The following PPP1R9A variants were observed in gnomAD, a reference collection of about 807,000 sequenced individuals.
PPP1R9A encodes protein phosphatase 1 regulatory subunit 9A.
In PPP1R9A, 59 loss-of-function variants were observed where a neutral mutation model predicts 141.9. That is an observed-to-expected ratio of 0.42 (90% confidence interval 0.34 to 0.52). The LOEUF is 0.52. Ranked by LOEUF, PPP1R9A falls within the 20% of genes least tolerant of loss-of-function variation. PPP1R9A has a pLI of 0.10. For synonymous variants in PPP1R9A, 500 were observed against 569.7 expected, an observed-to-expected ratio of 0.88 and a Z score of 1.74; for missense variants, 1,444 against 1,611.9, an observed-to-expected ratio of 0.90 and a Z score of 1.78.
At chr7:95,232,345 T>C (rs1014870306) in intron 8 of PPP1R9A, among the ~76,000 whole-genome samples, 1 of 152,094 alleles carries the variant, frequency 6.6e-6, no homozygotes, top group African/African-American at 2.4e-5. Context: ...CTGGACCCCT[T>C]CCTTACACCT....
chr7:95,265,288 A>G (rs1342526742), intron 12 of PPP1R9A, among the ~76,000 whole-genome samples: 2 of 152,208 alleles, frequency 1.3e-5, no homozygotes, highest in African/African-American at 4.8e-5. Context: ...TTGACCTTCC[A>G]GAAGGAGAAT....
Position 95,286,363 on chromosome 7 carries a change from A to T in PPP1R9A, c.3729+38A>T, listed in dbSNP as rs765468502. ...CACTATGACAGAGCTGCTTTGTCAA[A>T]TCTGACGTTTTACCCATGAACCATC... On this transcript the variant is annotated intron_variant, in intron 18 of 19. Coordinates refer to ENST00000433360, the MANE Select transcript of PPP1R9A (RefSeq NM_001166160.2). The T allele has an allele frequency of 1.6e-5, 26 of 1,606,762 alleles. No individual in the cohort carries two copies. In the Admixed American group the frequency reaches 4.4e-4, roughly 27 times the overall value.
At position 95,200,251 on chromosome 7, in the gene PPP1R9A, T is replaced by C. The variant is rs915382598; in HGVS notation, c.1890+1767T>C. Among the ~76,000 whole-genome samples the C allele has an allele frequency of 2.6e-5, 4 of 151,602 alleles. No homozygotes were observed. In the South Asian group the frequency reaches 6.2e-4, roughly 24 times the overall value. ...CGCTGATCACATTCATCCCCAAAAG[T>C]TGATATAAAATTTTGCTCTTTTTTT... On this transcript the variant is annotated intron_variant, in intron 6 of 19. Coordinates refer to ENST00000433360, the MANE Select transcript of PPP1R9A (RefSeq NM_001166160.2).
chr7:95,217,294 AGCCTT>A (rs1477256523), intron 7 of PPP1R9A, among the ~76,000 whole-genome samples: 3 of 152,216 alleles, frequency 2.0e-5, no homozygotes, highest in African/African-American at 7.2e-5. Context: ...GTGAGGAACC[AGCCTT>A]GCATCCCAGT....
At chr7:95,041,585 T>C (rs1235004484) in intron 2 of PPP1R9A, among the ~76,000 whole-genome samples, 1 of 152,164 alleles carries the variant, frequency 6.6e-6, no homozygotes, top group African/African-American at 2.4e-5. Flanking sequence ...CTCTAAAATA[T>C]GAATGTATAC....
chr7:95,181,246 G>GAGAATATATAT (rs1271605286), intron 5 of PPP1R9A, among the ~76,000 whole-genome samples: 1 of 141,408 alleles, frequency 7.1e-6, no homozygotes, highest in Non-Finnish European at 1.5e-5. Flanking sequence ...ATAGTATATA[G>GAGAATATATAT]AGAATATATA....
chr7:95,159,925 CAAAAAAAAA>C (rs751687197), intron 4 of PPP1R9A, among the ~76,000 whole-genome samples: 2 of 106,686 alleles, frequency 1.9e-5, no homozygotes, highest in African/African-American at 8.0e-5. Flanking sequence ...GACATTGTCT[CAAAAAAAAA>C]AAAAAAAAGA....
At chr7:95,179,778 C>CAAAAAAAA (rs61054939) in intron 5 of PPP1R9A, among the ~76,000 whole-genome samples, 28 of 96,946 alleles carry the variant, frequency 2.9e-4, no homozygotes, top group African/African-American at 3.1e-4. Context: ...ACAATAGCTG[C>CAAAAAAAA]AAAAAAAAAA....
intron 7 of PPP1R9A, among the ~76,000 whole-genome samples, chr7:95,223,052 C>T (rs890162428): frequency 5.3e-5 from 8 of 151,902 alleles, no homozygotes; most frequent in Non-Finnish European, 1.2e-4. Flanking sequence ...AGAGTTATAA[C>T]ATAATGTTTT....
intron 4 of PPP1R9A, among the ~76,000 whole-genome samples, chr7:95,123,609 A>G (rs981268459): frequency 6.6e-6 from 1 of 152,212 alleles, no homozygotes; most frequent in African/African-American, 2.4e-5. Flanking sequence ...AGATTGTGCC[A>G]TTGAGCTCCA....
At chr7:94,922,687 G>T (rs1792994293) in intron 2 of PPP1R9A, among the ~76,000 whole-genome samples, 1 of 152,088 alleles carries the variant, frequency 6.6e-6, no homozygotes, top group South Asian at 2.1e-4. Flanking sequence ...AAAAATATGT[G>T]TATTTGCAGC....
rs1458917255 is a variant in PPP1R9A at position 95,292,131 on chromosome 7, T to G, written c.*1828T>G. ...TGTTTTACAGTTATCAAAGTCACCATTATGTTTTTCTGTCTGTCTTCATTA... is the reference window on the plus strand; with the variant it reads ...TGTTTTACAGTTATCAAAGTCACCAGTATGTTTTTCTGTCTGTCTTCATTA... On this transcript the variant is annotated 3_prime_UTR_variant, in exon 20 of 20. Transcript: ENST00000433360. The G allele has an allele frequency of 6.6e-6, 1 of 152,162 alleles. No individual in the cohort carries two copies. The highest frequency in any genetic ancestry group is 1.5e-5 in the Non-Finnish European group (1 of 68,028). 9.4% of individuals were successfully genotyped at this position (152,162 alleles called of 1,614,324 possible). A position where few individuals can be genotyped will look rare whatever the true frequency, so the allele number is the denominator to read the frequency against.
intron 16 of PPP1R9A, 25 bp downstream of exon 16, chr7:95,274,193 G>C (rs374202738): frequency 1.7e-5 from 26 of 1,497,490 alleles, no homozygotes; most frequent in Non-Finnish European, 2.0e-5. Context: ...TTAAGAACAC[G>C]TGTATTTCTA....
At chr7:95,113,520 A>T (rs17305795) in intron 3 of PPP1R9A, among the ~76,000 whole-genome samples, 2 of 152,070 alleles carry the variant, frequency 1.3e-5, no homozygotes, top group Admixed American at 6.6e-5. Context: ...AAAAAATTCC[A>T]GGCCAAAAAA....
intron 7 of PPP1R9A, among the ~76,000 whole-genome samples, chr7:95,208,488 G>T (rs945627582): frequency 3.3e-5 from 5 of 152,164 alleles, no homozygotes; most frequent in Admixed American, 2.6e-4. Flanking sequence ...ACTTTGGGAG[G>T]CTGAGGCAGG....
chr7:95,108,332 T>TTTTTTTTTTTC (rs1554509667), intron 2 of PPP1R9A, among the ~76,000 whole-genome samples: 3 of 139,968 alleles, frequency 2.1e-5, no homozygotes, highest in African/African-American at 8.3e-5. Flanking sequence ...TTTTTTTTTT[T>TTTTTTTTTTTC]TGAGACAGTC....
chr7:95,045,507 CT>C (rs923694407), intron 2 of PPP1R9A, among the ~76,000 whole-genome samples: 1 of 152,208 alleles, frequency 6.6e-6, no homozygotes, highest in African/African-American at 2.4e-5. Flanking sequence ...GCTTTCTTCC[CT>C]TTTTCAGTGG....
chr7:95,115,792 C>T (rs922885842), intron 3 of PPP1R9A, among the ~76,000 whole-genome samples: 5 of 151,552 alleles, frequency 3.3e-5, no homozygotes, highest in East Asian at 1.9e-4. Context: ...TGGCACGTGC[C>T]TGTAGTCCCA....
intron 2 of PPP1R9A, among the ~76,000 whole-genome samples, chr7:95,039,384 C>T (rs1051157049): frequency 1.3e-5 from 2 of 151,930 alleles, no homozygotes; most frequent in African/African-American, 4.8e-5. Context: ...GGCTGGCCAA[C>T]ATGGTGAAAC....
Sources: allele counts gnomAD v4.1 joint callset (sites outside exome capture counted in the v4.1 genomes callset), GRCh38; gene constraint gnomAD v4.1.1; transcripts MANE v1.5; gene names NCBI Gene and HGNC (gene_info 2026-07-23, HGNC 2026-07-21).